KL: variants seen among roughly 807,000 people sequenced by gnomAD.
KL encodes the protein alpha-klotho.
A neutral mutation model predicts 84.2 loss-of-function variants in KL; 62 were observed. The ratio of observed to expected loss-of-function variants is 0.74; its 90% CI spans 0.60 to 0.91. KL has a LOEUF of 0.91. Ranked by LOEUF, KL falls within the 40% of genes least tolerant of loss-of-function variation. KL has a pLI of 0.00. For synonymous variants in KL, 528 were observed against 528.0 expected (o/e 1.00, Z 0.00); for missense variants, 1,261 against 1,305.7 (o/e 0.97, Z 0.53).
In KL at chr13:33,016,543, C is replaced by A; in HGVS notation, c.103C>A (p.Pro35Thr). ...GGGCGGCCGCCGCCTGCGTGCGGAGCCGGGCGACGGCGCGCAGACCTGGGC... is the reference window on the plus strand; with the variant it reads ...GGGCGGCCGCCGCCTGCGTGCGGAGACGGGCGACGGCGCGCAGACCTGGGC... ...GLGGRRLRAEPGDGAQTWARF... is the reference protein window; with the variant it reads ...GLGGRRLRAETGDGAQTWARF... Residue 35 changes from proline to threonine, a missense_variant, in exon 1 of 5, where the codon CCG (proline) becomes ACG (threonine). Transcript: ENST00000380099. The A allele has an allele frequency of 1.4e-6, 2 of 1,395,768 alleles. No homozygotes were observed. 86.5% of individuals were successfully genotyped at this position (1,395,768 alleles called of 1,614,324 possible).
Position 33,016,778 on chromosome 13 carries a change from C to G in KL, c.338C>G (p.Ala113Gly), listed in dbSNP as rs1870356848. 6.2e-7 allele frequency: 1 copy of G among 1,611,714 alleles called. No homozygotes were observed. The highest frequency in any genetic ancestry group is 1.3e-5 in the African/African-American group (1 of 74,892). ...DSRNASLPLGAPSPLQPATGD... is the reference protein window; with the variant it reads ...DSRNASLPLGGPSPLQPATGD... Reference sequence around the variant, plus strand: ...CGGAACGCCAGTCTGCCGTTGGGCGCCCCGTCGCCGCTGCAGCCCGCCACC... The same window carrying G: ...CGGAACGCCAGTCTGCCGTTGGGCGGCCCGTCGCCGCTGCAGCCCGCCACC... The change falls in exon 1 of 5, where the codon GCC becomes GGC. Residue 113 changes from alanine (A) to glycine (G), a missense_variant. Transcript: ENST00000380099.
intron 1 of KL, among the ~76,000 whole-genome samples, chr13:33,044,324 A>G (rs1871443112): frequency 6.6e-6 from 1 of 152,096 alleles, no homozygotes. Flanking sequence ...CTTATTGTAT[A>G]TATTTTAGAA....
intron 1 of KL, among the ~76,000 whole-genome samples, chr13:33,031,161 T>A (rs987249940): frequency 6.6e-6 from 1 of 152,178 alleles, no homozygotes; most frequent in African/African-American, 2.4e-5. Context: ...AAAGTTCACC[T>A]TCAGTGTCAT....
chr13:33,043,543 G>C (rs1871415721), intron 1 of KL, among the ~76,000 whole-genome samples: 1 of 152,060 alleles, frequency 6.6e-6, no homozygotes. Flanking sequence ...TTTAGTTGTA[G>C]GCATCTTAGT....
chr13:33,043,665 A>G (rs1004954575), intron 1 of KL, among the ~76,000 whole-genome samples: 4 of 152,168 alleles, frequency 2.6e-5, no homozygotes, highest in Non-Finnish European at 4.4e-5. Context: ...TGAAATATCT[A>G]TTCAAATATT....
At chr13:33,049,522 G>A (rs545106107) in intron 1 of KL, among the ~76,000 whole-genome samples, 1 of 152,338 alleles carries the variant, frequency 6.6e-6, no homozygotes, top group African/African-American at 2.4e-5. Context: ...GAGGGAAGAT[G>A]TCAAGGAATG....
Position 33,016,952 on chromosome 13 carries a change from G to T in KL, c.512G>T (p.Arg171Leu), listed in dbSNP as rs1300750380. Residue 171 changes from arginine to leucine, a missense_variant, in exon 1 of 5, where the codon CGC becomes CTC. Arg to Leu is a moderately radical substitution (Grantham distance 102). Transcript: ENST00000380099. Reference protein sequence around the residue: ...SAGVPNREGLRYYRRLLERLR... With the variant: ...SAGVPNREGLLYYRRLLERLR... ...GGCGTCCCCAACCGCGAGGGGCTGCGCTACTACCGGCGCCTGCTGGAGCGG... is the reference window on the plus strand; with the variant it reads ...GGCGTCCCCAACCGCGAGGGGCTGCTCTACTACCGGCGCCTGCTGGAGCGG... 6.2e-7 allele frequency: 1 copy of T among 1,604,002 alleles called. No individual in the cohort carries two copies. Among genetic ancestry groups the T allele is most frequent in the Admixed American group, 1.7e-5 (1 of 59,246 alleles).
rs1872296008 is a variant in KL at position 33,063,711 on chromosome 13, A to C, written c.2702-138A>C. On this transcript the variant is annotated intron_variant, in intron 4 of 4. Coordinates refer to ENST00000380099, the MANE Select transcript of KL (RefSeq NM_004795.4). ...AGAATCTGTTGAACCTGGGAGGCGG[A>C]GGTTGCAGTGAGTCAAGATGGTGCC... 3 of 774,280 alleles carry C rather than the reference A, an allele frequency of 3.9e-6. No individual in the cohort carries two copies. The Admixed American group carries it at 5.5e-5, about 14-fold the overall frequency. The allele number at this position is 774,280 out of a possible 1,614,324, so 48.0% of individuals were successfully genotyped here.
In KL at chr13:33,053,747, CA is replaced by C. The variant is rs1358928276; in HGVS notation, c.820-19del. ...TCCTCACAACTAGAGATAAATTTGC[CA>C]TGGTTTTTCTCTTCATAGGCTCATG... On this transcript the variant is annotated intron_variant, in intron 1 of 4. Coordinates refer to ENST00000380099, the MANE Select transcript of KL (RefSeq NM_004795.4). 2 of 1,612,578 alleles carry C rather than the reference CA, an allele frequency of 1.2e-6. No individual in the cohort carries two copies. Among genetic ancestry groups the C allele is most frequent in the Non-Finnish European group, 1.7e-6 (2 of 1,178,846 alleles).
At chr13:33,056,583 C>T (rs1208878514) in intron 3 of KL, among the ~76,000 whole-genome samples, 3 of 149,848 alleles carry the variant, frequency 2.0e-5, no homozygotes, top group Non-Finnish European at 1.5e-5. Context: ...ATCATGAGGT[C>T]AGGAGATCAA....
rs190661091 is a variant in KL at position 33,034,795 on chromosome 13, T to G, written c.819+17536T>G. Reference sequence around the variant, plus strand: ...CACACAATAGATGCTCAATAAATACTTCTGGAATGAAAATCCCCCTCCACT... The same window carrying G: ...CACACAATAGATGCTCAATAAATACGTCTGGAATGAAAATCCCCCTCCACT... On this transcript the variant is annotated intron_variant, in intron 1 of 4. Transcript: ENST00000380099. Among the ~76,000 whole-genome samples the G allele has an allele frequency of 3.3e-4, 51 of 152,328 alleles. 1 individual carries two copies. The East Asian group carries it at 4.2e-3, about 13-fold the overall frequency.
Position 33,060,706 on chromosome 13 carries a change from G to C in KL, c.1627G>C (p.Asp543His), listed in dbSNP as rs770835751. 6.2e-7 allele frequency: 1 copy of C among 1,614,136 alleles called. No homozygotes were observed. The highest frequency in any genetic ancestry group is 1.1e-5 in the South Asian group (1 of 91,052). Residue 543 changes from aspartate (D) to histidine (H), a missense_variant, in exon 4 of 5, where the codon GAC (aspartate) becomes CAC (histidine). Asp to His is a moderately conservative substitution (Grantham distance 81, BLOSUM62 -1). Transcript: ENST00000380099. ...AGATACCACTCTGTCTCAGTTTACCGACCTGAATGTTTACCTGTGGGATGT... is the reference window on the plus strand; with the variant it reads ...AGATACCACTCTGTCTCAGTTTACCCACCTGAATGTTTACCTGTGGGATGT... ...QVDTTLSQFTDLNVYLWDVHH... is the reference protein window; with the variant it reads ...QVDTTLSQFTHLNVYLWDVHH...
intron 1 of KL, among the ~76,000 whole-genome samples, chr13:33,041,247 G>A (rs1448358382): frequency 2.0e-5 from 3 of 151,978 alleles, no homozygotes; most frequent in Non-Finnish European, 2.9e-5. Context: ...AGAGTCACAA[G>A]GAAACAAGGA....
In KL at chr13:33,061,794, G is replaced by T; in HGVS notation, c.2701+14G>T. On this transcript the variant is annotated intron_variant, in intron 4 of 4. Transcript: ENST00000380099. ...AAGCTCTCAAAGGTAAGGAGCCCTA[G>T]CTGCGGCTATCTCCTGAAGGTTATG... 1 of 1,611,608 alleles carries T rather than the reference G, an allele frequency of 6.2e-7. No individual in the cohort carries two copies. Among genetic ancestry groups the T allele is most frequent in the Non-Finnish European group, 8.5e-7 (1 of 1,179,898 alleles).
chr13:33,044,187 G>T (rs970302175), intron 1 of KL, among the ~76,000 whole-genome samples: 1 of 152,104 alleles, frequency 6.6e-6, no homozygotes, highest in Admixed American at 6.6e-5. Flanking sequence ...TGATGTATTT[G>T]TCTATCCTTA....
chr13:33,056,173 G>A (rs1050926052), intron 3 of KL, among the ~76,000 whole-genome samples: 9 of 152,194 alleles, frequency 5.9e-5, no homozygotes, highest in Non-Finnish European at 1.0e-4. Flanking sequence ...TAAGTAACAA[G>A]GGCGGGGCTG....
intron 1 of KL, among the ~76,000 whole-genome samples, chr13:33,035,614 G>A (rs959019193): frequency 8.2e-5 from 12 of 146,102 alleles, no homozygotes; most frequent in African/African-American, 3.1e-4. Flanking sequence ...TCTAGCCTAT[G>A]CCTCCCTACC....
At chr13:33,028,515 GA>G (rs1189304464) in intron 1 of KL, among the ~76,000 whole-genome samples, 1 of 152,166 alleles carries the variant, frequency 6.6e-6, no homozygotes, top group East Asian at 1.9e-4. Flanking sequence ...CCAGGAAAAG[GA>G]TGATGAACTG....
At chr13:33,058,585 C>T (rs1872057186) in intron 3 of KL, among the ~76,000 whole-genome samples, 1 of 152,106 alleles carries the variant, frequency 6.6e-6, no homozygotes, top group Admixed American at 6.5e-5. Context: ...CGGGATCCAC[C>T]CACCTCGGCC....
Sources: allele counts gnomAD v4.1 joint callset (sites outside exome capture counted in the v4.1 genomes callset), GRCh38; gene constraint gnomAD v4.1.1; transcripts MANE v1.5; gene names NCBI Gene and HGNC (gene_info 2026-07-23, HGNC 2026-07-21).